Variants in HK1 observed in about 807,000 individuals in gnomAD.
The protein encoded by HK1 is hexokinase 1.
Under a neutral mutation model 91.6 loss-of-function variants are expected in HK1, and 28 were observed. That is an observed-to-expected ratio of 0.31 (90% CI 0.23 to 0.42). HK1 has a LOEUF of 0.42. Among genes scored for constraint, HK1 ranks in the 10% least tolerant of loss-of-function variants. The pLI is 1.00. For synonymous variants in HK1, 430 were observed against 468.1 expected, an observed-to-expected ratio of 0.92 and a Z score of 1.05; for missense variants, 770 against 1,219.8, an observed-to-expected ratio of 0.63 and a Z score of 5.49.
chr10:69,344,107 T>A (rs1045879423), intron 2 of HK1, 118 bp downstream of exon 2: 1 of 1,034,268 alleles, frequency 9.7e-7, no homozygotes, highest in Admixed American at 1.9e-5. Flanking sequence ...ATCAATCTGC[T>A]CTCCCATCCA....
At chr10:69,334,195 C>T (rs1847866336) in intron 1 of HK1, among the ~76,000 whole-genome samples, 1 of 152,208 alleles carries the variant, frequency 6.6e-6, no homozygotes. Flanking sequence ...CAACAGTTTA[C>T]ACATGCTGAG....
chr10:69,329,151 C>A (rs1847551809), intron 1 of HK1, among the ~76,000 whole-genome samples: 1 of 147,650 alleles, frequency 6.8e-6, no homozygotes, highest in Non-Finnish European at 1.5e-5. Flanking sequence ...TATAGACATG[C>A]TTTCTTTCTT....
upstream of HK1, among the ~76,000 whole-genome samples, chr10:69,311,520 A>G (rs1480726319): frequency 1.3e-5 from 2 of 152,214 alleles, no homozygotes; most frequent in Non-Finnish European, 2.9e-5. Flanking sequence ...GGTCCAAAAG[A>G]TAACGATTTC....
chr10:69,397,818 T>G (rs1840209113), intron 16 of HK1, among the ~76,000 whole-genome samples: 2 of 152,324 alleles, frequency 1.3e-5, no homozygotes, highest in South Asian at 4.1e-4. Context: ...ACGTAAGAAG[T>G]AGTTTATATG....
At chr10:69,347,521 C>T (rs888117762) in intron 2 of HK1, among the ~76,000 whole-genome samples, 16 of 151,652 alleles carry the variant, frequency 1.1e-4, no homozygotes, top group African/African-American at 3.6e-4. Context: ...CTGCAACCTC[C>T]GCCTCCCGGG....
intron 1 of HK1, among the ~76,000 whole-genome samples, chr10:69,323,355 T>C (rs895012583): frequency 4.0e-5 from 6 of 151,248 alleles, no homozygotes; most frequent in African/African-American, 1.2e-4. Flanking sequence ...AACCTCATCT[T>C]AAAAAAAAAT....
intron 8 of HK1, among the ~76,000 whole-genome samples, chr10:69,378,775 C>G (rs1458266623): frequency 6.6e-5 from 10 of 152,168 alleles, no homozygotes; most frequent in African/African-American, 2.4e-4. Flanking sequence ...ATTAATTTCT[C>G]TCATATTTTT....
intron 5 of HK1, among the ~76,000 whole-genome samples, chr10:69,309,027 G>A (rs1229249850): frequency 6.6e-6 from 1 of 152,112 alleles, no homozygotes; most frequent in Non-Finnish European, 1.5e-5. Flanking sequence ...AAAAGATCCT[G>A]GTCTGGCATG....
At chr10:69,315,981 G>GC, upstream of HK1, 1 of 1,614,236 alleles carries the variant, frequency 6.2e-7, no homozygotes, top group Non-Finnish European at 8.5e-7. Context: ...GCCTGAGTTT[G>GC]CCCTGTCGAG....
intron 1 of HK1, among the ~76,000 whole-genome samples, chr10:69,319,893 C>T (rs972760708): frequency 6.6e-6 from 1 of 151,308 alleles, no homozygotes; most frequent in African/African-American, 2.4e-5. Flanking sequence ...GAAAGACGCC[C>T]GTTTTATCAG....
chr10:69,392,240 T>C lies in HK1; in HGVS notation c.2151T>C (p.Cys717=). ...GGGGGGCCTTTGGGGACAACGGGTG[T>C]CTGGATGATATCAGGACACACTACG... ...MEWGAFGDNG[C]LDDIRTHYDR... The change falls in exon 15 of 18, where the codon TGT becomes TGC. Residue 717 remains cysteine, a synonymous_variant. Transcript: ENST00000359426. 6.2e-7 allele frequency: 1 copy of C among 1,614,112 alleles called. No individual in the cohort carries two copies. Among genetic ancestry groups the C allele is most frequent in the Non-Finnish European group, 8.5e-7 (1 of 1,180,026 alleles).
rs562088389 is a variant in HK1 at position 69,382,510 on chromosome 10, C to G, written c.1289C>G (p.Thr430Ser). Residue 430 changes from threonine to serine, a missense_variant, in exon 10 of 18, where the codon ACT becomes AGT. Thr to Ser is a moderately conservative substitution (Grantham distance 58, BLOSUM62 1). This residue lies in a region of HK1 where 449 missense variants were observed against 665.1 expected (regional missense o/e 0.68). Transcript: ENST00000359426. ...AGGTATTCCCGGCGTTTCCACAAGA[C>G]TCTAAGGCGCTTGGTGCCAGACTCC... ...HPQYSRRFHK[T>S]LRRLVPDSDV... 3.3e-5 allele frequency: 53 copies of G among 1,614,226 alleles called. No individual in the cohort carries two copies. In the South Asian group the frequency reaches 5.7e-4, roughly 17 times the overall value.
intron 1 of HK1, among the ~76,000 whole-genome samples, chr10:69,333,254 G>A (rs552045691): frequency 6.6e-6 from 1 of 152,236 alleles, no homozygotes; most frequent in East Asian, 1.9e-4. Context: ...CCAAGCCACA[G>A]CATTGGGATT....
chr10:69,281,815 G>A (rs1473167868), intron 1 of HK1, among the ~76,000 whole-genome samples: 1 of 152,176 alleles, frequency 6.6e-6, no homozygotes, highest in Non-Finnish European at 1.5e-5. Context: ...AGGAAGGGGA[G>A]GGAGGAGGAA....
chr10:69,365,256 A>T (rs1849642952), intron 4 of HK1, among the ~76,000 whole-genome samples: 1 of 152,112 alleles, frequency 6.6e-6, no homozygotes, highest in Non-Finnish European at 1.5e-5. Flanking sequence ...TTACCTGGAA[A>T]CTGCCCTGGT....
chr10:69,343,910 T>G lies in HK1; in HGVS notation c.147T>G (p.Asn49Lys), dbSNP rs761961057. Residue 49 changes from asparagine (N) to lysine (K), a missense_variant, in exon 2 of 18, where the codon AAT (asparagine) becomes AAG (lysine). Physicochemically the swap from Asn to Lys is moderately conservative, Grantham distance 94. This residue lies in a region of HK1 where 449 missense variants were observed against 665.1 expected (regional missense o/e 0.68). Transcript: ENST00000359426. ...IMTRFRKEMK[N>K]GLSRDFNPTA... Reference sequence around the variant, plus strand: ...CTCGCTTCAGGAAGGAGATGAAGAATGGCCTCTCCCGGGATTTTAATCCAA... The same window carrying G: ...CTCGCTTCAGGAAGGAGATGAAGAAGGGCCTCTCCCGGGATTTTAATCCAA... 1 of 1,613,912 alleles carries G rather than the reference T, an allele frequency of 6.2e-7. No individual in the cohort carries two copies. The highest frequency in any genetic ancestry group is 2.2e-5 in the East Asian group (1 of 44,884).
In HK1 at chr10:69,379,880, C is replaced by A. The variant is rs1442052735; in HGVS notation, c.1050C>A (p.His350Gln). 6.2e-7 allele frequency: 1 copy of A among 1,613,606 alleles called. No individual in the cohort carries two copies. Among genetic ancestry groups the A allele is most frequent in the African/African-American group, 1.3e-5 (1 of 74,902 alleles). The change falls in exon 9 of 18, where the codon CAC (histidine) becomes CAA (glutamine). Residue 350 changes from histidine to glutamine, a missense_variant. By Grantham distance (24) the His-to-Gln change is conservative. Coordinates refer to ENST00000359426, the MANE Select transcript of HK1 (RefSeq NM_000188.3). Reference sequence around the variant, plus strand: ...TTCACAGGAATAAGGAAGGCCTCCACAATGCCAAAGAAATCCTGACCCGCC... The same window carrying A: ...TTCACAGGAATAAGGAAGGCCTCCAAAATGCCAAAGAAATCCTGACCCGCC... ...SAIEKNKEGL[H>Q]NAKEILTRLG...
intron 5 of HK1, among the ~76,000 whole-genome samples, chr10:69,301,857 C>T (rs1845890666): frequency 6.6e-6 from 1 of 152,130 alleles, no homozygotes; most frequent in Non-Finnish European, 1.5e-5. Flanking sequence ...AATTGACAAG[C>T]TGCTTCTAAA....
intron 5 of HK1, among the ~76,000 whole-genome samples, chr10:69,309,471 G>A (rs956928898): frequency 3.3e-5 from 4 of 122,768 alleles, no homozygotes; most frequent in Admixed American, 8.8e-5. Flanking sequence ...GTGAGCCACC[G>A]CGCCTGGCAT....
Sources: gnomAD v4.1 joint callset for allele counts (sites outside exome capture counted in the v4.1 genomes callset) on GRCh38, gnomAD v4.1.1 for gene constraint, gnomAD v4.1.1 regional missense constraint, MANE v1.5 for transcripts, NCBI Gene and HGNC (gene_info 2026-07-23, HGNC 2026-07-21) for gene names.